Variants in B3GLCT observed in about 807,000 individuals in gnomAD.
B3GLCT encodes beta 3-glucosyltransferase, also known as beta-1,3-glucosyltransferase.
A neutral mutation model predicts 63.4 loss-of-function variants in B3GLCT; 65 were observed. The observed-to-expected ratio is 1.03, with a 90% CI of 0.84 to 1.26. The LOEUF is 1.26. Among genes scored for constraint, B3GLCT ranks in the 50% most tolerant of loss-of-function variants. The pLI is 0.00. For synonymous variants in B3GLCT, 233 were observed against 219.2 expected (o/e 1.06, Z -0.55); for missense variants, 577 against 604.8 (o/e 0.95, Z 0.48).
chr13:31,263,770 G>A (rs566297126), intron 7 of B3GLCT, among the ~76,000 whole-genome samples: 1 of 152,262 alleles, frequency 6.6e-6, no homozygotes, highest in Admixed American at 6.5e-5. Flanking sequence ...CACATCTGTT[G>A]ACAAGGGAAG....
At chr13:31,324,214 T>A (rs1430326607) in intron 14 of B3GLCT, among the ~76,000 whole-genome samples, 1 of 152,256 alleles carries the variant, frequency 6.6e-6, no homozygotes, top group Non-Finnish European at 1.5e-5. Flanking sequence ...TTAAAAATTA[T>A]TGGATACTGC....
intron 12 of B3GLCT, among the ~76,000 whole-genome samples, chr13:31,316,407 T>TTTTTTATATATATATATA (rs1239451482): frequency 2.4e-5 from 1 of 40,870 alleles, no homozygotes; most frequent in Non-Finnish European, 5.4e-5. Flanking sequence ...TTTGGAGGTT[T>TTTTTTATATATATATATA]TATATATATA....
intron 13 of B3GLCT, among the ~76,000 whole-genome samples, chr13:31,320,783 A>G (rs991546257): frequency 2.6e-5 from 4 of 152,132 alleles, no homozygotes; most frequent in African/African-American, 9.7e-5. Flanking sequence ...GTTTCTCTGA[A>G]GCACTATTTT....
chr13:31,232,725 G>A (rs953257748), intron 4 of B3GLCT, among the ~76,000 whole-genome samples: 8 of 152,316 alleles, frequency 5.3e-5, no homozygotes, highest in Admixed American at 2.0e-4. Context: ...TTGAGCCGCC[G>A]TGCTAAGCTA....
intron 1 of B3GLCT, among the ~76,000 whole-genome samples, chr13:31,205,309 C>T (rs924675901): frequency 1.1e-4 from 17 of 150,880 alleles, no homozygotes; most frequent in African/African-American, 3.9e-4. Context: ...GTAATTTCAG[C>T]ACTTTAGGAG....
At chr13:31,230,522 A>AT (rs1445494342) in intron 4 of B3GLCT, among the ~76,000 whole-genome samples, 2 of 152,228 alleles carry the variant, frequency 1.3e-5, no homozygotes, top group African/African-American at 2.4e-5. Flanking sequence ...AACTGCTGGG[A>AT]ATAAGGTTTA....
chr13:31,222,565 C>T (rs762203152), intron 2 of B3GLCT, among the ~76,000 whole-genome samples: 2 of 152,212 alleles, frequency 1.3e-5, no homozygotes, highest in African/African-American at 4.8e-5. Context: ...CTGCCAGGTT[C>T]GAGACTATCC....
At chr13:31,326,027 T>C (rs1033316602) in intron 14 of B3GLCT, among the ~76,000 whole-genome samples, 1 of 152,214 alleles carries the variant, frequency 6.6e-6, no homozygotes, top group Non-Finnish European at 1.5e-5. Flanking sequence ...TCCAAAATTA[T>C]GTGCCACTAA....
chr13:31,293,218 C>T (rs1038972281), intron 12 of B3GLCT, among the ~76,000 whole-genome samples: 1 of 152,064 alleles, frequency 6.6e-6, no homozygotes, highest in Non-Finnish European at 1.5e-5. Context: ...GTTTTACTTC[C>T]AATTATGTGG....
intron 10 of B3GLCT, among the ~76,000 whole-genome samples, chr13:31,284,242 T>A (rs1873206276): frequency 6.6e-6 from 1 of 152,202 alleles, no homozygotes; most frequent in African/African-American, 2.4e-5. Context: ...TCTGTTAGAA[T>A]CTTTGGGTGG....
At chr13:31,265,400 G>A (rs1217138303) in intron 7 of B3GLCT, among the ~76,000 whole-genome samples, 2 of 152,186 alleles carry the variant, frequency 1.3e-5, no homozygotes, top group Non-Finnish European at 2.9e-5. Context: ...GTCCAGGAAT[G>A]TTGATTCCCT....
intron 8 of B3GLCT, among the ~76,000 whole-genome samples, chr13:31,273,719 C>T (rs1408861564): frequency 6.6e-6 from 1 of 152,154 alleles, no homozygotes. Context: ...ACATTAGCTT[C>T]TGCCTGTTGC....
At chr13:31,325,051 A>C (rs1044988023) in intron 14 of B3GLCT, among the ~76,000 whole-genome samples, 2 of 152,216 alleles carry the variant, frequency 1.3e-5, no homozygotes, top group Non-Finnish European at 2.9e-5. Context: ...TTATCATAGC[A>C]ATATAGAAAA....
At chr13:31,259,486 G>A (rs1477714652) in intron 6 of B3GLCT, among the ~76,000 whole-genome samples, 4 of 151,774 alleles carry the variant, frequency 2.6e-5, no homozygotes, top group Non-Finnish European at 5.9e-5. Context: ...CTACAGTACT[G>A]CTAAAGGCTT....
At chr13:31,270,802 G>A (rs1474257903) in intron 8 of B3GLCT, among the ~76,000 whole-genome samples, 3 of 152,088 alleles carry the variant, frequency 2.0e-5, no homozygotes, top group Admixed American at 1.3e-4. Context: ...GTATACAAAT[G>A]CTGCAGGATT....
chr13:31,329,712 G>T lies in B3GLCT; in HGVS notation c.*44G>T, dbSNP rs1875819761. 6.2e-7 allele frequency: 1 copy of T among 1,605,604 alleles called. No individual in the cohort carries two copies. The highest frequency in any genetic ancestry group is 8.5e-7 in the Non-Finnish European group (1 of 1,173,704). ...CCTAGCCTGCGCAGGGAATGAACTG[G>T]AGACTGTGGCCTCATCCCACTGTGC... On this transcript the variant is annotated 3_prime_UTR_variant, in exon 15 of 15. Transcript: ENST00000343307.
Position 31,227,405 on chromosome 13 carries a change from G to A in B3GLCT, c.161-1780G>A, listed in dbSNP as rs548770723. Among the ~76,000 whole-genome samples the A allele has an allele frequency of 2.7e-3, 407 of 152,252 alleles. 3 individuals carry two copies. Among genetic ancestry groups the A allele is most frequent in the African/African-American group, 9.4e-3 (389 of 41,542 alleles). ...AAATCCTTATAACTCCTCTTTAGAT[G>A]TGTCAGTTTATATTAATGTTTCAGA... On this transcript the variant is annotated intron_variant, in intron 3 of 14. Transcript: ENST00000343307.
intron 14 of B3GLCT, among the ~76,000 whole-genome samples, chr13:31,329,122 C>T (rs1418982996): frequency 6.6e-6 from 1 of 152,194 alleles, no homozygotes; most frequent in Non-Finnish European, 1.5e-5. Context: ...AACAAACTTA[C>T]GGCCAGTTTC....
At chr13:31,308,365 A>AAAAAAAAAACAAC (rs1874516850) in intron 12 of B3GLCT, among the ~76,000 whole-genome samples, 1 of 136,670 alleles carries the variant, frequency 7.3e-6, no homozygotes, top group Non-Finnish European at 1.6e-5. Context: ...AAAAAACAAA[A>AAAAAAAAAACAAC]AAAAAAGCTA....
Sources: gnomAD v4.1 joint callset for allele counts (sites outside exome capture counted in the v4.1 genomes callset) on GRCh38, gnomAD v4.1.1 for gene constraint, MANE v1.5 for transcripts, NCBI Gene and HGNC (gene_info 2026-07-23, HGNC 2026-07-21) for gene names.